Variants in VMA12 observed in about 807,000 individuals in gnomAD.
The protein encoded by VMA12 is vacuolar ATPase assembly factor VMA12.
chr17:28,361,153 C>G, the VMA12 span: 3 of 1,614,044 alleles, frequency 1.9e-6, no homozygotes, highest in Non-Finnish European at 2.5e-6. Flanking sequence ...CTCCCCATCT[C>G]CAGCGGGTGC....
the VMA12 span, chr17:28,361,080 C>A: frequency 4.2e-6 from 6 of 1,422,126 alleles, no homozygotes; most frequent in African/African-American, 1.4e-5. Flanking sequence ...GGGGGCTCTC[C>A]ATCCTCATTA....
At chr17:28,361,211 G>T in the VMA12 span, 3 of 1,614,160 alleles carry the variant, frequency 1.9e-6, no homozygotes, top group Non-Finnish European at 1.7e-6. Flanking sequence ...CGAGCTGTAT[G>T]TCATGGTGCG....
chr17:28,361,898 G>A, the VMA12 span: 1 of 152,490 alleles, frequency 6.6e-6, no homozygotes, highest in African/African-American at 2.4e-5. Flanking sequence ...GATCACTATG[G>A]TCCTTCTTCT....
the VMA12 span, chr17:28,357,987 C>G: frequency 8.1e-7 from 1 of 1,231,338 alleles, no homozygotes; most frequent in Non-Finnish European, 1.1e-6. Context: ...CTCATCTAGA[C>G]AAGTCAAGAG....
chr17:28,360,132 T>C, the VMA12 span: 3 of 177,382 alleles, frequency 1.7e-5, no homozygotes, highest in Non-Finnish European at 2.4e-5. Context: ...CACGCCAGGC[T>C]AATTTTTTGT....
At chr17:28,357,899 G>A in the VMA12 span, 1 of 1,613,094 alleles carries the variant, frequency 6.2e-7, no homozygotes. Context: ...CCAGTCTCCA[G>A]TCCGGGGTCC....
chr17:28,360,471 C>T, the VMA12 span: 2 of 1,527,254 alleles, frequency 1.3e-6, no homozygotes, highest in Non-Finnish European at 1.8e-6. Context: ...GCCAGACTGT[C>T]AATGGATGCT....
At chr17:28,363,129 T>A in the VMA12 span, 1 of 152,254 alleles carries the variant, frequency 6.6e-6, no homozygotes, top group Non-Finnish European at 1.5e-5. Context: ...CCCCATTTTT[T>A]AGTCACATAG....
chr17:28,358,056 A>C, the VMA12 span: 12 of 695,852 alleles, frequency 1.7e-5, no homozygotes, highest in Middle Eastern at 3.8e-4. Flanking sequence ...TTTCTCGTGG[A>C]TGACAAATTT....
chr17:28,359,008 T>G, the VMA12 span: 1 of 1,592,668 alleles, frequency 6.3e-7, no homozygotes, highest in Non-Finnish European at 8.5e-7. Flanking sequence ...GGGATATGTT[T>G]GTGAGAGTGG....
chr17:28,358,225 G>A, the VMA12 span: 1,243 of 404,084 alleles, frequency 3.1e-3, 16 homozygotes, highest in African/African-American at 0.024. Flanking sequence ...AGCATAGTGA[G>A]CTTGTAGGAA....
chr17:28,361,109 G>A, the VMA12 span: 1 of 1,572,492 alleles, frequency 6.4e-7, no homozygotes, highest in South Asian at 1.1e-5. Context: ...GGGGTACAGA[G>A]CTGGTTGTTG....
chr17:28,358,179 T>G, the VMA12 span: 1 of 454,002 alleles, frequency 2.2e-6, no homozygotes, highest in African/African-American at 2.0e-5. Context: ...ATCACAGGTT[T>G]TGTCTCTTCT....
At chr17:28,359,417 T>C in the VMA12 span, 1 of 1,613,450 alleles carries the variant, frequency 6.2e-7, no homozygotes, top group African/African-American at 1.3e-5. Context: ...AAGGACATGC[T>C]CTTCAGTACG....
At chr17:28,359,647 G>A in the VMA12 span, 1 of 318,942 alleles carries the variant, frequency 3.1e-6, no homozygotes, top group Non-Finnish European at 6.0e-6. Flanking sequence ...GCTCATGCCT[G>A]TAATCCTAGC....
the VMA12 span, chr17:28,358,123 G>A: frequency 3.6e-6 from 2 of 560,176 alleles, no homozygotes; most frequent in South Asian, 2.1e-5. Context: ...GCACACCTAG[G>A]CCCAATTCAC....
the VMA12 span, chr17:28,357,670 T>C: frequency 1.2e-6 from 2 of 1,612,026 alleles, no homozygotes; most frequent in Non-Finnish European, 8.5e-7. Context: ...GCCGGCTAGA[T>C]ATGGCGTCCT....
At chr17:28,362,232 C>A in the VMA12 span, 1 of 151,208 alleles carries the variant, frequency 6.6e-6, no homozygotes, top group Non-Finnish European at 1.5e-5. Flanking sequence ...ATTATATACT[C>A]ATTCACTCAG....
the VMA12 span, chr17:28,360,307 C>T: frequency 8.0e-6 from 4 of 501,686 alleles, no homozygotes; most frequent in South Asian, 4.2e-5. Context: ...ATGGCATGCT[C>T]CTACCCTGGA....
Sources: gnomAD v4.1 joint callset for allele counts on GRCh38, gnomAD v4.1.1 for gene constraint, MANE v1.5 for transcripts, NCBI Gene and HGNC (gene_info 2026-07-23, HGNC 2026-07-21) for gene names.